Variants in ATXN7L1 observed in about 807,000 individuals in gnomAD.
The protein encoded by ATXN7L1 is ataxin-7-like protein 1.
In ATXN7L1, 15 loss-of-function variants were observed where a neutral mutation model predicts 70.8. That is an observed-to-expected ratio of 0.21 (90% CI 0.14 to 0.33). ATXN7L1 has a LOEUF of 0.33. ATXN7L1 is among the 10% of genes least tolerant of loss of function. ATXN7L1 has a pLI of 1.00. For missense variants in ATXN7L1, 975 were observed against 1,097.1 expected (o/e 0.89, Z 1.57); for synonymous variants, 440 against 445.1 (o/e 0.99, Z 0.14).
At chr7:105,665,464 A>T (rs1162064259) in intron 3 of ATXN7L1, among the ~76,000 whole-genome samples, 176 bp from the exon 4 acceptor site, 1 of 152,162 alleles carries the variant, frequency 6.6e-6, no homozygotes, top group African/African-American at 2.4e-5. Flanking sequence ...CTCCTATTCC[A>T]CCAGCTAGCA....
chr7:105,775,588 T>C (rs1230781242), intron 3 of ATXN7L1, among the ~76,000 whole-genome samples: 5 of 152,076 alleles, frequency 3.3e-5, no homozygotes, highest in Non-Finnish European at 7.4e-5. Context: ...GGTTCTAGTG[T>C]CAGGGTGGGA....
At chr7:105,759,140 CT>C (rs11371276) in intron 3 of ATXN7L1, among the ~76,000 whole-genome samples, 3 of 144,886 alleles carry the variant, frequency 2.1e-5, no homozygotes, top group Middle Eastern at 3.6e-3. Context: ...ATTTAGTGGC[CT>C]TTTTTTTAGT....
At chr7:105,638,324 AG>A in intron 7 of ATXN7L1, 28 bp downstream of exon 7, 1 of 1,535,830 alleles carries the variant, frequency 6.5e-7, no homozygotes, top group Non-Finnish European at 8.8e-7. Context: ...CCAAGCATTC[AG>A]GGCTTCTATC....
At chr7:105,729,029 C>T (rs1408538320) in intron 3 of ATXN7L1, among the ~76,000 whole-genome samples, 2 of 151,962 alleles carry the variant, frequency 1.3e-5, no homozygotes, top group East Asian at 1.9e-4. Flanking sequence ...TTTGGGAGGC[C>T]GAGATGGAAG....
intron 3 of ATXN7L1, among the ~76,000 whole-genome samples, chr7:105,742,464 G>A (rs1236925471): frequency 6.6e-6 from 1 of 152,198 alleles, no homozygotes; most frequent in African/African-American, 2.4e-5. Context: ...CCTATTATGT[G>A]TGTACTATGC....
intron 3 of ATXN7L1, among the ~76,000 whole-genome samples, chr7:105,750,320 C>T (rs983336382): frequency 1.3e-5 from 2 of 151,398 alleles, no homozygotes; most frequent in East Asian, 1.9e-4. Flanking sequence ...CTCTATTGCC[C>T]GGGCTGAGTG....
chr7:105,764,806 G>A (rs544900454), intron 3 of ATXN7L1, among the ~76,000 whole-genome samples: 3 of 151,354 alleles, frequency 2.0e-5, no homozygotes, highest in African/African-American at 7.3e-5. Context: ...TTTTTTCCAG[G>A]AACGATCATA....
At chr7:105,637,729 C>T (rs1797598389) in intron 7 of ATXN7L1, among the ~76,000 whole-genome samples, 1 of 152,094 alleles carries the variant, frequency 6.6e-6, no homozygotes, top group Non-Finnish European at 1.5e-5. Context: ...CATTTCTGTC[C>T]AGGACAACCA....
At chr7:105,724,573 CAAAAAAAAAAAAAAAA>C (rs573733959) in intron 3 of ATXN7L1, among the ~76,000 whole-genome samples, 3 of 80,458 alleles carry the variant, frequency 3.7e-5, no homozygotes, top group East Asian at 3.4e-4. Flanking sequence ...GACTCTGTCT[CAAAAAAAAAAAAAAAA>C]AAAAAAAAAA....
At chr7:105,875,636 C>G (rs557369638) in intron 2 of ATXN7L1, among the ~76,000 whole-genome samples, 176 bp downstream of exon 2, 1 of 131,386 alleles carries the variant, frequency 7.6e-6, no homozygotes, top group African/African-American at 2.7e-5. Flanking sequence ...TACCCCCCCC[C>G]CAGTTGTATT....
intron 2 of ATXN7L1, among the ~76,000 whole-genome samples, chr7:105,810,086 T>TGTACAGTTTC (rs1808212316): frequency 6.6e-6 from 1 of 152,234 alleles, no homozygotes; most frequent in African/African-American, 2.4e-5. Flanking sequence ...CTCCATTCTC[T>TGTACAGTTTC]TGAACATAAC....
chr7:105,774,725 T>C (rs1802492663), intron 3 of ATXN7L1, among the ~76,000 whole-genome samples: 4 of 152,112 alleles, frequency 2.6e-5, no homozygotes. Context: ...TGCGCTTTGG[T>C]TAAGAGGGTT....
intron 7 of ATXN7L1, among the ~76,000 whole-genome samples, chr7:105,636,862 T>G (rs1293560463): frequency 1.3e-5 from 2 of 152,176 alleles, no homozygotes; most frequent in Non-Finnish European, 2.9e-5. Flanking sequence ...TACTTTCCTA[T>G]CAGGTACCCA....
At chr7:105,709,682 T>C (rs1349002854) in intron 3 of ATXN7L1, among the ~76,000 whole-genome samples, 1 of 152,072 alleles carries the variant, frequency 6.6e-6, no homozygotes, top group Admixed American at 6.5e-5. Flanking sequence ...CTGGTGGAAA[T>C]CACCAGAAAG....
intron 5 of ATXN7L1, among the ~76,000 whole-genome samples, chr7:105,641,741 C>T (rs949451333): frequency 2.0e-5 from 3 of 152,260 alleles, no homozygotes; most frequent in African/African-American, 7.2e-5. Flanking sequence ...TTAGGGAGAG[C>T]ACCAGGCTCT....
At chr7:105,703,795 A>T (rs908584313) in intron 3 of ATXN7L1, among the ~76,000 whole-genome samples, 1 of 152,148 alleles carries the variant, frequency 6.6e-6, no homozygotes, top group East Asian at 1.9e-4. Context: ...TCTCTAGAGG[A>T]TTCTTGTAGT....
At chr7:105,619,140 G>GTTTTTTTGTTTTTT (rs1794386563) in intron 9 of ATXN7L1, among the ~76,000 whole-genome samples, 1 of 49,842 alleles carries the variant, frequency 2.0e-5, no homozygotes, top group Middle Eastern at 0.042. Context: ...GAAATCTTTA[G>GTTTTTTTGTTTTTT]TTTTTTTTTT....
At chr7:105,820,418 T>TG (rs1481802427) in intron 2 of ATXN7L1, among the ~76,000 whole-genome samples, 1 of 152,062 alleles carries the variant, frequency 6.6e-6, no homozygotes, top group African/African-American at 2.4e-5. Context: ...TGCTGGGCAG[T>TG]GGGGTGAAGG....
At chr7:105,628,586 G>A (rs1796090562) in intron 7 of ATXN7L1, among the ~76,000 whole-genome samples, 1 of 151,596 alleles carries the variant, frequency 6.6e-6, no homozygotes, top group Non-Finnish European at 1.5e-5. Context: ...TCAGGAGATC[G>A]AGACCATCCT....
Sources: gnomAD v4.1 joint callset for allele counts (sites outside exome capture counted in the v4.1 genomes callset) on GRCh38, gnomAD v4.1.1 for gene constraint, MANE v1.5 for transcripts, NCBI Gene and HGNC (gene_info 2026-07-23, HGNC 2026-07-21) for gene names.